The following SMURF2 variants were observed in gnomAD, a reference collection of about 807,000 sequenced individuals.
SMURF2 encodes the protein E3 ubiquitin-protein ligase SMURF2.
Under a neutral mutation model 109.6 loss-of-function variants are expected in SMURF2, and 48 were observed. The observed-to-expected ratio is 0.44, with a 90% CI of 0.35 to 0.56. The LOEUF (loss-of-function observed/expected upper bound fraction) is 0.56. Among genes scored for constraint, SMURF2 ranks in the 20% least tolerant of loss-of-function variants. The probability of loss-of-function intolerance (pLI) is 0.01; values close to 1 mark genes in which losing one functional copy is unlikely to be tolerated. For synonymous variants in SMURF2, 288 were observed against 317.1 expected (o/e 0.91, Z 0.97); for missense variants, 575 against 909.0 (o/e 0.63, Z 4.72).
chr17:64,553,372 T>C (rs1397244480), intron 15 of SMURF2, among the ~76,000 whole-genome samples: 2 of 151,850 alleles, frequency 1.3e-5, no homozygotes, highest in Non-Finnish European at 2.9e-5. Context: ...CAGGTGTGGT[T>C]GTGCGTACCT....
rs532202823 is a variant in SMURF2 at position 64,553,478 on chromosome 17, C to T, written c.1748+1378G>A. 4.8e-4 allele frequency among the ~76,000 whole-genome samples: 73 copies of T among 151,836 alleles called. 1 individual carries two copies. Among genetic ancestry groups the T allele is most frequent in the African/African-American group, 1.5e-3 (62 of 41,350 alleles). On this transcript the variant is annotated intron_variant, in intron 15 of 18. Transcript: ENST00000262435. ...CAAGATCTTGCCACTGCACTCCAGC[C>T]TGAGCAACAGAGCGAGACTCCACCT...
At chr17:64,658,250 G>C (rs755989130) in intron 1 of SMURF2, among the ~76,000 whole-genome samples, 3 of 152,088 alleles carry the variant, frequency 2.0e-5, no homozygotes, top group Non-Finnish European at 2.9e-5. Flanking sequence ...CCACCTACTC[G>C]GGAGGCTGAG....
intron 10 of SMURF2, 128 bp downstream of exon 10, chr17:64,571,670 C>T (rs782448781): frequency 1.9e-5 from 18 of 949,558 alleles, no homozygotes; most frequent in Admixed American, 8.9e-5. Flanking sequence ...CCTGCTGCCA[C>T]GGCCTCCCAA....
rs141834085 is a variant in SMURF2 at position 64,599,559 on chromosome 17, G to A, written c.92-1069C>T. Among the ~76,000 whole-genome samples the A allele has an allele frequency of 1.8e-3, 274 of 152,316 alleles. 1 individual carries two copies. The highest frequency in any genetic ancestry group is 6.3e-3 in the African/African-American group (263 of 41,554). ...CCGGACCACAAAGCAGGAAGTGAGC[G>A]GTGGGAGAGTAAGCATTACAGCCTG... On this transcript the variant is annotated intron_variant, in intron 2 of 18. Transcript: ENST00000262435.
At chr17:64,558,264 T>C (rs1191823964) in intron 12 of SMURF2, among the ~76,000 whole-genome samples, 2 of 152,064 alleles carry the variant, frequency 1.3e-5, no homozygotes, top group African/African-American at 4.8e-5. Flanking sequence ...GCCAGGTTGA[T>C]GGCAAGTGCC....
At chr17:64,584,370 T>TTTTTTTTTC (rs1969621500) in intron 6 of SMURF2, among the ~76,000 whole-genome samples, 1 of 145,924 alleles carries the variant, frequency 6.9e-6, no homozygotes, top group African/African-American at 2.6e-5. Context: ...TCTTTTTTTT[T>TTTTTTTTTC]TTTTTTTGAG....
chr17:64,567,741 G>A (rs976208289), intron 10 of SMURF2, among the ~76,000 whole-genome samples: 4 of 152,236 alleles, frequency 2.6e-5, no homozygotes, highest in South Asian at 2.1e-4. Context: ...GGAATGTAGT[G>A]GTGTGATCTT....
chr17:64,619,027 C>A (rs1970162431), intron 1 of SMURF2, among the ~76,000 whole-genome samples: 1 of 152,158 alleles, frequency 6.6e-6, no homozygotes, highest in Non-Finnish European at 1.5e-5. Flanking sequence ...ATACTAAGAG[C>A]CACCTCATGG....
At chr17:64,591,227 A>G in intron 4 of SMURF2, 78 bp from the exon 5 acceptor site, 1 of 1,060,586 alleles carries the variant, frequency 9.4e-7, no homozygotes, top group Non-Finnish European at 1.4e-6. Context: ...GTGACAATAA[A>G]TTTCCACAAT....
intron 10 of SMURF2, among the ~76,000 whole-genome samples, chr17:64,563,421 C>T (rs782483574): frequency 1.6e-4 from 24 of 152,136 alleles, no homozygotes; most frequent in Non-Finnish European, 2.8e-4. Flanking sequence ...TATGACCATA[C>T]AAAGAAAATA....
intron 1 of SMURF2, among the ~76,000 whole-genome samples, chr17:64,644,795 A>G (rs1970538634): frequency 6.6e-6 from 1 of 151,844 alleles, no homozygotes; most frequent in South Asian, 2.1e-4. Flanking sequence ...CTGTGATCCC[A>G]GCTACTTGGG....
At position 64,543,076 on chromosome 17, in the gene SMURF2, AAAC is replaced by A. The variant is rs1378714795; in HGVS notation, c.*2769_*2771del. The A allele has an allele frequency of 6.6e-6, 1 of 152,172 alleles. No individual in the cohort carries two copies. The highest frequency in any genetic ancestry group is 2.4e-5 in the African/African-American group (1 of 41,424). The allele number at this position is 152,172 out of a possible 1,614,324, so 9.4% of individuals were successfully genotyped here. A position where few individuals can be genotyped will look rare whatever the true frequency, so the allele number is the denominator to read the frequency against. ...ATACAGCTAGAGGGAAGACAAGAAAAAACCAGTTAAGAGGGACATGGAAATAAA... is the reference window on the plus strand; with the variant it reads ...ATACAGCTAGAGGGAAGACAAGAAAACAGTTAAGAGGGACATGGAAATAAA... On this transcript the variant is annotated 3_prime_UTR_variant, in exon 19 of 19. Coordinates refer to ENST00000262435, the MANE Select transcript of SMURF2 (RefSeq NM_022739.4).
At chr17:64,651,069 T>C (rs1459962589) in intron 1 of SMURF2, among the ~76,000 whole-genome samples, 1 of 150,532 alleles carries the variant, frequency 6.6e-6, no homozygotes, top group African/African-American at 2.4e-5. Context: ...TGGTGGCGGG[T>C]GCCTGTAATC....
chr17:64,582,610 TA>T (rs1969593022), intron 7 of SMURF2, among the ~76,000 whole-genome samples: 1 of 152,228 alleles, frequency 6.6e-6, no homozygotes, highest in South Asian at 2.1e-4. Flanking sequence ...TTATTTGTTT[TA>T]TTTTTGAGAC....
intron 6 of SMURF2, among the ~76,000 whole-genome samples, chr17:64,585,426 T>C (rs1301341569): frequency 1.3e-5 from 2 of 152,210 alleles, no homozygotes; most frequent in Non-Finnish European, 2.9e-5. Context: ...TTACCTGAAT[T>C]ATTTCATTTG....
intron 4 of SMURF2, chr17:64,592,877 T>C (rs1278077836): frequency 2.0e-5 from 3 of 152,212 alleles, no homozygotes; most frequent in Non-Finnish European, 4.4e-5. Context: ...TACAGTTAAG[T>C]AGTTAATACA....
chr17:64,569,729 A>G (rs548887011), intron 10 of SMURF2, among the ~76,000 whole-genome samples: 1 of 152,336 alleles, frequency 6.6e-6, no homozygotes, highest in African/African-American at 2.4e-5. Context: ...AGGAACTCAT[A>G]TATTGCCGGT....
At chr17:64,577,784 G>A (rs1332020227) in intron 9 of SMURF2, among the ~76,000 whole-genome samples, 4 of 151,746 alleles carry the variant, frequency 2.6e-5, no homozygotes, top group Non-Finnish European at 5.9e-5. Context: ...CTTTGGTAGA[G>A]ACCAGGTCTA....
intron 10 of SMURF2, among the ~76,000 whole-genome samples, chr17:64,569,117 C>T (rs569491648): frequency 4.1e-4 from 62 of 152,042 alleles, no homozygotes; most frequent in Admixed American, 2.0e-3. Context: ...CTGGGCAACG[C>T]GGTGAAACCC....
Sources: allele counts gnomAD v4.1 joint callset (sites outside exome capture counted in the v4.1 genomes callset), GRCh38; gene constraint gnomAD v4.1.1; transcripts MANE v1.5; gene names NCBI Gene and HGNC (gene_info 2026-07-23, HGNC 2026-07-21).